The following PI4K2B variants were observed in gnomAD, a reference collection of about 807,000 sequenced individuals.
The protein encoded by PI4K2B is phosphatidylinositol 4-kinase type 2-beta.
PI4K2B carries 46 observed loss-of-function variants against 56.6 expected under a neutral mutation model. The ratio of observed to expected loss-of-function variants is 0.81; its 90% CI spans 0.64 to 1.04. The LOEUF (loss-of-function observed/expected upper bound fraction) is 1.04. Among genes scored for constraint, PI4K2B ranks in the 50% least tolerant of loss-of-function variants. The probability of loss-of-function intolerance (pLI) is 0.00; values close to 1 mark genes in which losing one functional copy is unlikely to be tolerated. For missense variants in PI4K2B, 556 were observed against 607.7 expected (o/e 0.91, Z 0.89); for synonymous variants, 211 against 223.8 (o/e 0.94, Z 0.51).
rs1437680267 is a variant in PI4K2B at position 25,263,810 on chromosome 4, C to G, written c.1039C>G (p.Leu347Val). ...TAAAATAGCTGCAATTGATAATGGT[C>G]TAGCATTTCCTTTTAAACATCCTGA... ...LIKIAAIDNG[L>V]AFPFKHPDEW... is the part of the protein sequence containing the mutation. The change falls in exon 7 of 10, where the codon CTA becomes GTA. Residue 347 changes from leucine (L) to valine (V), a missense_variant. Coordinates refer to ENST00000264864, the MANE Select transcript of PI4K2B (RefSeq NM_018323.4). The G allele has an allele frequency of 6.5e-7, 1 of 1,532,790 alleles. No homozygotes were observed. Among genetic ancestry groups the G allele is most frequent in the East Asian group, 2.3e-5 (1 of 44,162 alleles). 94.9% of individuals were successfully genotyped at this position (1,532,790 alleles called of 1,614,324 possible).
At chr4:25,260,643 C>T (rs201948975) in intron 6 of PI4K2B, 52 bp downstream of exon 6, 995 of 34,340 alleles carry the variant, frequency 0.029, 5 homozygotes, top group African/African-American at 0.057. Flanking sequence ...TATATATATA[C>T]ACACACACAC....
At chr4:25,258,022 T>G (rs1227900308) in intron 4 of PI4K2B, among the ~76,000 whole-genome samples, 1 of 152,178 alleles carries the variant, frequency 6.6e-6, no homozygotes, top group Non-Finnish European at 1.5e-5. Flanking sequence ...ACATGCTACT[T>G]AAATTTTTAT....
chr4:25,245,866 G>T (rs1241144418), intron 1 of PI4K2B, among the ~76,000 whole-genome samples: 1 of 151,678 alleles, frequency 6.6e-6, no homozygotes, highest in Non-Finnish European at 1.5e-5. Flanking sequence ...ACTGCTTGGC[G>T]AGTCTCACTG....
chr4:25,256,734 A>G, intron 4 of PI4K2B, 60 bp downstream of exon 4: 1 of 1,486,590 alleles, frequency 6.7e-7, no homozygotes, highest in Non-Finnish European at 9.3e-7. Flanking sequence ...CCTGAGCTCT[A>G]GGAGCCAGGC....
intron 1 of PI4K2B, among the ~76,000 whole-genome samples, chr4:25,247,905 G>A (rs1000999188): frequency 6.6e-6 from 1 of 152,042 alleles, no homozygotes; most frequent in African/African-American, 2.4e-5. Context: ...GTCTCACTAT[G>A]TTGCCCAGGC....
Position 25,234,410 on chromosome 4 carries a change from C to G in PI4K2B, c.247C>G (p.Arg83Gly), listed in dbSNP as rs984281570. The change falls in exon 1 of 10, where the codon CGG (arginine) becomes GGG (glycine). Residue 83 changes from arginine to glycine, a missense_variant. Transcript: ENST00000264864. Reference protein sequence around the residue: ...VSRSSSAELDRSRPAVSVTIG... With the variant: ...VSRSSSAELDGSRPAVSVTIG... ...CCGGAGTTCGTCCGCCGAGCTGGAC[C>G]GGAGCCGCCCCGCGGTTTCAGGTGC... 2.2e-6 allele frequency: 3 copies of G among 1,366,790 alleles called. No individual in the cohort carries two copies. The highest frequency in any genetic ancestry group is 1.9e-6 in the Non-Finnish European group (2 of 1,058,496). The allele number at this position is 1,366,790 out of a possible 1,614,324, so 84.7% of individuals were successfully genotyped here.
Position 25,234,341 on chromosome 4 carries a change from G to C in PI4K2B, c.178G>C (p.Gly60Arg), listed in dbSNP as rs972387702. 1.4e-6 allele frequency: 2 copies of C among 1,409,606 alleles called. No individual in the cohort carries two copies. Among genetic ancestry groups the C allele is most frequent in the African/African-American group, 3.0e-5 (2 of 67,384 alleles). 87.3% of individuals were successfully genotyped at this position (1,409,606 alleles called of 1,614,324 possible). The change falls in exon 1 of 10, where the codon GGC becomes CGC. Residue 60 changes from glycine (G) to arginine (R), a missense_variant. Transcript: ENST00000264864. The stretch of plus-strand genomic sequence containing the variant: ...CGCTGCCGGGGAGGAGGGCGAGGCC[G>C]GCGACGAGGAGCTGCCCCTCCCGCC... ...LDAAGEEGEA[G>R]DEELPLPPGD...
intron 3 of PI4K2B, 24 bp downstream of exon 3, chr4:25,255,289 C>T: frequency 6.3e-7 from 1 of 1,580,018 alleles, no homozygotes; most frequent in Middle Eastern, 1.7e-4. Flanking sequence ...TATTTTTAAC[C>T]ATGGACTTTT....
At chr4:25,269,916 C>T (rs1316224434) in intron 9 of PI4K2B, among the ~76,000 whole-genome samples, 1 of 151,896 alleles carries the variant, frequency 6.6e-6, no homozygotes, top group Non-Finnish European at 1.5e-5. Context: ...CGGGGTTTCA[C>T]CATGTTAGCC....
chr4:25,255,584 CTTGTA>C (rs1716234453), intron 3 of PI4K2B, among the ~76,000 whole-genome samples: 1 of 152,228 alleles, frequency 6.6e-6, no homozygotes, highest in African/African-American at 2.4e-5. Context: ...TGCTTAAAGA[CTTGTA>C]TTGTCCTTTC....
chr4:25,276,852 C>T, intron 9 of PI4K2B, 162 bp from the exon 10 acceptor site: 1 of 984,682 alleles, frequency 1.0e-6, no homozygotes, highest in Non-Finnish European at 1.2e-6. Flanking sequence ...TGTAAACATA[C>T]ATTCATATAA....
intron 1 of PI4K2B, among the ~76,000 whole-genome samples, chr4:25,249,207 C>A (rs1715925369): frequency 6.6e-6 from 1 of 152,222 alleles, no homozygotes; most frequent in African/African-American, 2.4e-5. Context: ...CCTATGTCTA[C>A]TTCTTTCTAC....
intron 1 of PI4K2B, among the ~76,000 whole-genome samples, chr4:25,239,976 T>G (rs1308137959): frequency 6.6e-6 from 1 of 152,222 alleles, no homozygotes; most frequent in Non-Finnish European, 1.5e-5. Flanking sequence ...CAGTAGAATT[T>G]GTTAGTTGAA....
intron 6 of PI4K2B, among the ~76,000 whole-genome samples, chr4:25,261,421 G>A (rs1716473884): frequency 6.6e-6 from 1 of 152,130 alleles, no homozygotes; most frequent in Admixed American, 6.5e-5. Context: ...TGAGTACCAA[G>A]TTGAAGTTTT....
At chr4:25,246,331 A>C (rs150397061) in intron 1 of PI4K2B, among the ~76,000 whole-genome samples, 6,694 of 152,132 alleles carry the variant, frequency 0.044, 210 homozygotes, top group East Asian at 0.15. Context: ...TGTTTTACAG[A>C]GAGCTGATTG....
chr4:25,249,736 C>CG (rs1715963847), intron 1 of PI4K2B, among the ~76,000 whole-genome samples: 1 of 151,184 alleles, frequency 6.6e-6, no homozygotes, highest in Non-Finnish European at 1.5e-5. Flanking sequence ...ACATCTCAGA[C>CG]GGGGCGGCGG....
At chr4:25,259,257 A>T in intron 5 of PI4K2B, 67 bp downstream of exon 5, 1 of 1,099,050 alleles carries the variant, frequency 9.1e-7, no homozygotes, top group South Asian at 1.6e-5. Flanking sequence ...TTGTTATCCA[A>T]ATCAAAGCGG....
chr4:25,235,173 C>A (rs1715200608), intron 1 of PI4K2B, among the ~76,000 whole-genome samples: 1 of 152,056 alleles, frequency 6.6e-6, no homozygotes, highest in Admixed American at 6.5e-5. Flanking sequence ...TGGAGTTAGA[C>A]AAATGTGATG....
chr4:25,275,332 CT>C (rs1306575247), intron 9 of PI4K2B, among the ~76,000 whole-genome samples: 1 of 152,108 alleles, frequency 6.6e-6, no homozygotes, highest in East Asian at 1.9e-4. Context: ...TTCATAAATT[CT>C]TTTTTTCTTG....
Sources: allele counts gnomAD v4.1 joint callset (sites outside exome capture counted in the v4.1 genomes callset), GRCh38; gene constraint gnomAD v4.1.1; transcripts MANE v1.5; gene names NCBI Gene and HGNC (gene_info 2026-07-23, HGNC 2026-07-21).